NOL4: variants seen among roughly 807,000 people sequenced by gnomAD.
The protein encoded by NOL4 is cancer/testis antigen 125.
NOL4 carries 17 observed loss-of-function variants against 75.9 expected under a neutral mutation model. The observed-to-expected ratio is 0.22, with a 90% CI of 0.15 to 0.34. The LOEUF is 0.34. NOL4 is among the 10% of genes least tolerant of loss of function. The probability of loss-of-function intolerance (pLI) is 1.00; values close to 1 mark genes in which losing one functional copy is unlikely to be tolerated. For missense variants in NOL4, 614 were observed against 793.5 expected, an observed-to-expected ratio of 0.77 and a Z score of 2.72; for synonymous variants, 292 against 289.9, an observed-to-expected ratio of 1.01 and a Z score of -0.07.
At chr18:34,214,933 T>C (rs552289729) in intron 1 of NOL4, among the ~76,000 whole-genome samples, 1 of 152,322 alleles carries the variant, frequency 6.6e-6, no homozygotes, top group African/African-American at 2.4e-5. Context: ...TTCTGTATGA[T>C]TCCACTTATA....
At chr18:34,184,988 C>A (rs1172210136) in intron 1 of NOL4, among the ~76,000 whole-genome samples, 1 of 152,038 alleles carries the variant, frequency 6.6e-6, no homozygotes, top group Non-Finnish European at 1.5e-5. Flanking sequence ...ATTAGGGACT[C>A]AAAATTTTCT....
intron 5 of NOL4, among the ~76,000 whole-genome samples, chr18:34,049,717 TC>T (rs1481827092): frequency 5.3e-5 from 8 of 152,048 alleles, no homozygotes; most frequent in Non-Finnish European, 8.8e-5. Flanking sequence ...ATACCACCCT[TC>T]CCCCACTGTC....
At chr18:34,052,313 C>G (rs1252289499) in intron 5 of NOL4, among the ~76,000 whole-genome samples, 1 of 151,884 alleles carries the variant, frequency 6.6e-6, no homozygotes, top group African/African-American at 2.4e-5. Flanking sequence ...GTAAATTGCC[C>G]TTACTTTGAC....
intron 1 of NOL4, among the ~76,000 whole-genome samples, chr18:34,175,442 T>C (rs1332724366): frequency 3.3e-5 from 5 of 152,232 alleles, no homozygotes; most frequent in Non-Finnish European, 7.4e-5. Flanking sequence ...AACTAGCGAA[T>C]GAAAAAATCC....
intron 9 of NOL4, among the ~76,000 whole-genome samples, chr18:33,916,278 A>C (rs1471974502): frequency 1.3e-5 from 2 of 152,138 alleles, no homozygotes; most frequent in Non-Finnish European, 2.9e-5. Context: ...TTCATCTTGC[A>C]TATTCCAGAT....
chr18:34,188,446 A>G (rs771122159), intron 1 of NOL4, among the ~76,000 whole-genome samples: 1 of 152,212 alleles, frequency 6.6e-6, no homozygotes, highest in Non-Finnish European at 1.5e-5. Context: ...TAAGTTGAAA[A>G]TATTATAGCA....
At chr18:33,985,071 G>T (rs1225825640) in intron 6 of NOL4, among the ~76,000 whole-genome samples, 4 of 151,904 alleles carry the variant, frequency 2.6e-5, no homozygotes, top group Non-Finnish European at 5.9e-5. Flanking sequence ...TTATAATGAG[G>T]AATAAATGAG....
At chr18:33,872,579 G>A (rs1486783561) in intron 10 of NOL4, among the ~76,000 whole-genome samples, 2 of 152,000 alleles carry the variant, frequency 1.3e-5, no homozygotes, top group Non-Finnish European at 2.9e-5. Flanking sequence ...GTGCAATAAT[G>A]TGAATAAGGT....
chr18:34,102,560 T>C (rs764548407), intron 4 of NOL4, among the ~76,000 whole-genome samples: 2 of 152,038 alleles, frequency 1.3e-5, no homozygotes, highest in Non-Finnish European at 2.9e-5. Flanking sequence ...ATTTTTCTAA[T>C]CTAGTTATAA....
At chr18:34,084,300 T>A (rs562424219) in intron 5 of NOL4, among the ~76,000 whole-genome samples, 58 of 152,200 alleles carry the variant, frequency 3.8e-4, no homozygotes, top group African/African-American at 1.3e-3. Context: ...GATACTGCGG[T>A]CGCCCTTCCT....
At chr18:33,980,958 T>C (rs2071904053) in intron 6 of NOL4, among the ~76,000 whole-genome samples, 1 of 151,906 alleles carries the variant, frequency 6.6e-6, no homozygotes, top group South Asian at 2.1e-4. Flanking sequence ...CTAGACAACA[T>C]ACAATAACTG....
chr18:33,932,821 T>C (rs2067790089), intron 9 of NOL4, among the ~76,000 whole-genome samples: 1 of 152,112 alleles, frequency 6.6e-6, no homozygotes, highest in Non-Finnish European at 1.5e-5. Flanking sequence ...CCAATTTCTA[T>C]ACTCTTATAA....
intron 5 of NOL4, among the ~76,000 whole-genome samples, chr18:34,032,507 T>C (rs577867420): frequency 9.2e-5 from 14 of 152,134 alleles, no homozygotes; most frequent in Non-Finnish European, 1.6e-4. Context: ...GGCCTGAGGT[T>C]GGGACTACCC....
intron 6 of NOL4, among the ~76,000 whole-genome samples, chr18:33,998,785 C>T (rs1001563688): frequency 6.6e-6 from 1 of 152,226 alleles, no homozygotes; most frequent in Non-Finnish European, 1.5e-5. Flanking sequence ...AGGAGATGTG[C>T]TACAGAGGAT....
chr18:33,892,453 A>G (rs2065148369), intron 9 of NOL4, among the ~76,000 whole-genome samples: 2 of 152,134 alleles, frequency 1.3e-5, no homozygotes, highest in Non-Finnish European at 2.9e-5. Context: ...AATAATAAAT[A>G]AATAAATAAA....
intron 9 of NOL4, among the ~76,000 whole-genome samples, chr18:33,904,283 A>C (rs2065904831): frequency 6.6e-6 from 1 of 152,048 alleles, no homozygotes. Context: ...AAAAAATAAA[A>C]GCTTGGTCAT....
intron 1 of NOL4, among the ~76,000 whole-genome samples, chr18:34,131,814 T>C (rs1027995590): frequency 6.6e-5 from 10 of 152,178 alleles, no homozygotes; most frequent in African/African-American, 2.4e-4. Context: ...CCTCTGCTAG[T>C]AGCTGGAGTT....
At chr18:34,086,226 A>G (rs2078237579) in intron 5 of NOL4, among the ~76,000 whole-genome samples, 1 of 152,174 alleles carries the variant, frequency 6.6e-6, no homozygotes. Flanking sequence ...TTAAAAAGTG[A>G]GAGTAAAAAC....
chr18:34,015,334 C>A (rs1214894599), intron 6 of NOL4, among the ~76,000 whole-genome samples: 1 of 151,968 alleles, frequency 6.6e-6, no homozygotes, highest in Non-Finnish European at 1.5e-5. Context: ...GTTAGTGTTT[C>A]TTCTGCCATG....
Sources: allele counts gnomAD v4.1 joint callset (sites outside exome capture counted in the v4.1 genomes callset), GRCh38; gene constraint gnomAD v4.1.1; transcripts MANE v1.5; gene names NCBI Gene and HGNC (gene_info 2026-07-23, HGNC 2026-07-21).